The following PALM2AKAP2 variants were observed in gnomAD, a reference collection of about 807,000 sequenced individuals.
PALM2AKAP2 encodes PALM2 and AKAP2 fusion.
In PALM2AKAP2, 37 loss-of-function variants were observed where a neutral mutation model predicts 71.5. The observed-to-expected ratio is 0.52, with a 90% confidence interval of 0.40 to 0.68. The LOEUF is 0.68. PALM2AKAP2 is among the 30% of genes least tolerant of loss of function. PALM2AKAP2 has a pLI of 0.00. For synonymous variants in PALM2AKAP2, 468 were observed against 478.8 expected (o/e 0.98, Z 0.29); for missense variants, 1,224 against 1,191.8 (o/e 1.03, Z -0.40).
intron 1 of PALM2AKAP2, among the ~76,000 whole-genome samples, chr9:110,051,884 A>G (rs1833717198): frequency 6.6e-6 from 1 of 151,572 alleles, no homozygotes. Context: ...AATTTCAGTA[A>G]GTTTGGGTAG....
chr9:110,035,502 T>G lies in PALM2AKAP2; in HGVS notation c.582+19463T>G, dbSNP rs28642131. ...TTGTGTGTTATATATAACATATATA[T>G]GATATGTTGTGTGTTATATATAACA... On this transcript the variant is annotated intron_variant, in intron 7 of 9. Coordinates refer to the PALM2AKAP2 transcript ENST00000302798. Among the ~76,000 whole-genome samples, 721 of 129,346 alleles carry G rather than the reference T, an allele frequency of 5.6e-3. 36 individuals carry two copies. The highest frequency in any genetic ancestry group is 0.021 in the African/African-American group (557 of 26,950). 84.9% of individuals were successfully genotyped at this position (129,346 alleles called of 152,430 possible).
chr9:110,089,316 G>A (rs1834652149), intron 1 of PALM2AKAP2, among the ~76,000 whole-genome samples: 1 of 152,158 alleles, frequency 6.6e-6, no homozygotes, highest in Admixed American at 6.5e-5. Context: ...GTTTTAAAGT[G>A]GAATTAAAAT....
intron 3 of PALM2AKAP2, among the ~76,000 whole-genome samples, chr9:109,916,465 C>T (rs540415832): frequency 7.9e-5 from 12 of 152,154 alleles, no homozygotes; most frequent in African/African-American, 2.4e-4. Context: ...TCCAAGGCAC[C>T]GTGCTGAGCT....
chr9:110,006,324 C>CCTT (rs1554736917), intron 6 of PALM2AKAP2, among the ~76,000 whole-genome samples: 3 of 102,102 alleles, frequency 2.9e-5, no homozygotes, highest in African/African-American at 7.8e-5. Flanking sequence ...TTCCTTCCTT[C>CCTT]TCTTTCTTTC....
intron 2 of PALM2AKAP2, among the ~76,000 whole-genome samples, chr9:110,150,640 T>G (rs1836287772): frequency 6.6e-6 from 1 of 152,198 alleles, no homozygotes; most frequent in Admixed American, 6.5e-5. Flanking sequence ...TTTTGGGGAT[T>G]AGGACTTGGA....
chr9:110,057,766 G>A (rs893009118), intron 1 of PALM2AKAP2, among the ~76,000 whole-genome samples: 8 of 152,188 alleles, frequency 5.3e-5, no homozygotes, highest in African/African-American at 1.2e-4. Flanking sequence ...ATCCAGGAGC[G>A]TGTTAAAACT....
chr9:110,038,935 C>CAA (rs71373959), intron 7 of PALM2AKAP2, among the ~76,000 whole-genome samples: 8 of 78,364 alleles, frequency 1.0e-4, no homozygotes, highest in African/African-American at 2.2e-4. Flanking sequence ...AACTCGGTCT[C>CAA]AAAAAAAAAA....
intron 6 of PALM2AKAP2, among the ~76,000 whole-genome samples, chr9:109,990,738 G>A (rs1832465093): frequency 6.6e-6 from 1 of 152,244 alleles, no homozygotes; most frequent in South Asian, 2.1e-4. Flanking sequence ...GTGTGGGAAT[G>A]TAAAGCTGAA....
chr9:110,151,811 C>G (rs555252519), intron 2 of PALM2AKAP2, among the ~76,000 whole-genome samples: 1 of 152,364 alleles, frequency 6.6e-6, no homozygotes, highest in South Asian at 2.1e-4. Flanking sequence ...ATAGAGGTCA[C>G]ATTATACCTG....
chr9:109,949,323 G>C (rs1281527546), intron 6 of PALM2AKAP2, among the ~76,000 whole-genome samples: 2 of 152,152 alleles, frequency 1.3e-5, no homozygotes, highest in Admixed American at 1.3e-4. Context: ...AAGCACAGTT[G>C]GCATTGCTTG....
At chr9:110,082,939 C>T (rs763177540) in intron 1 of PALM2AKAP2, among the ~76,000 whole-genome samples, 2 of 152,022 alleles carry the variant, frequency 1.3e-5, no homozygotes, top group African/African-American at 2.4e-5. Flanking sequence ...GTCGGGAGTT[C>T]GAGATCACCC....
intron 6 of PALM2AKAP2, chr9:109,943,303 G>A (rs772658293): frequency 6.2e-6 from 10 of 1,614,092 alleles, no homozygotes; most frequent in South Asian, 5.5e-5. Flanking sequence ...GCTTGTGTCC[G>A]GGAGGCCGGT....
chr9:109,989,189 A>C (rs1832432063), intron 6 of PALM2AKAP2, among the ~76,000 whole-genome samples: 1 of 152,208 alleles, frequency 6.6e-6, no homozygotes, highest in South Asian at 2.1e-4. Flanking sequence ...CTGGAGCGAA[A>C]AGGACACCCC....
At chr9:109,997,652 CCTGTTTCTCAATGAGCT>C (rs1449941603) in intron 6 of PALM2AKAP2, among the ~76,000 whole-genome samples, 1 of 152,228 alleles carries the variant, frequency 6.6e-6, no homozygotes, top group Non-Finnish European at 1.5e-5. Context: ...GATGGACCTT[CCTGTTTCTCAATGAGCT>C]CTCCTAAGAG....
At chr9:109,661,129 T>A (rs1253871652) in intron 1 of PALM2AKAP2, among the ~76,000 whole-genome samples, 1 of 152,224 alleles carries the variant, frequency 6.6e-6, no homozygotes, top group Admixed American at 6.5e-5. Context: ...TTCATTCTGA[T>A]GGTTGTTTCT....
intron 6 of PALM2AKAP2, among the ~76,000 whole-genome samples, chr9:109,936,381 AC>A (rs1831217560): frequency 6.6e-6 from 1 of 152,122 alleles, no homozygotes; most frequent in South Asian, 2.1e-4. Context: ...GAGAGGGAGA[AC>A]CCATTCTGAA....
At position 110,085,700 on chromosome 9, in the gene PALM2AKAP2, A is replaced by C. The variant is rs192695715; in HGVS notation, c.156+36845A>C. 1.7e-3 allele frequency among the ~76,000 whole-genome samples: 262 copies of C among 152,326 alleles called. 6 individuals carry two copies. The highest frequency in any genetic ancestry group is 8.6e-3 in the Admixed American group (132 of 15,296). On this transcript the variant is annotated intron_variant, in intron 1 of 3. Transcript: ENST00000374525. Reference sequence around the variant, plus strand: ...ATAATAAATTTGTGAAGTAAATAAAAATATTGGGAGGACAAGTTGAGGGGG... The same window carrying C: ...ATAATAAATTTGTGAAGTAAATAAACATATTGGGAGGACAAGTTGAGGGGG...
intron 3 of PALM2AKAP2, among the ~76,000 whole-genome samples, chr9:110,167,174 A>G (rs1836756851): frequency 6.6e-6 from 1 of 152,224 alleles, no homozygotes; most frequent in Admixed American, 6.5e-5. Context: ...CTCCTGCTAC[A>G]CAAGGGGATT....
intron 6 of PALM2AKAP2, among the ~76,000 whole-genome samples, chr9:109,953,446 C>T (rs1831680438): frequency 6.6e-6 from 1 of 152,110 alleles, no homozygotes; most frequent in African/African-American, 2.4e-5. Context: ...TGTGGCAGGG[C>T]TAAAAATCCG....
Sources: gnomAD v4.1 joint callset for allele counts (sites outside exome capture counted in the v4.1 genomes callset) on GRCh38, gnomAD v4.1.1 for gene constraint, MANE v1.5 for transcripts, NCBI Gene and HGNC (gene_info 2026-07-23, HGNC 2026-07-21) for gene names.